SDK1: variants seen among roughly 807,000 people sequenced by gnomAD.
The protein encoded by SDK1 is protein sidekick-1.
In SDK1, 157 loss-of-function variants were observed where a neutral mutation model predicts 245.5. The ratio of observed to expected loss-of-function variants is 0.64; its 90% CI spans 0.56 to 0.73. SDK1 has a LOEUF of 0.73. Among genes scored for constraint, SDK1 ranks in the 30% least tolerant of loss-of-function variants. The pLI is 0.00. For synonymous variants in SDK1, 1,647 were observed against 1,278.5 expected, an observed-to-expected ratio of 1.29 and a Z score of -6.15; for missense variants, 3,583 against 3,002.3, an observed-to-expected ratio of 1.19 and a Z score of -4.52.
At chr7:3,873,692 C>A (rs1406185043) in intron 5 of SDK1, among the ~76,000 whole-genome samples, 4 of 152,120 alleles carry the variant, frequency 2.6e-5, no homozygotes, top group Admixed American at 6.5e-5. Flanking sequence ...GACCCATCTT[C>A]AAGTTCAGTA....
chr7:4,099,344 C>T (rs981873919), intron 22 of SDK1, among the ~76,000 whole-genome samples: 7 of 146,064 alleles, frequency 4.8e-5, no homozygotes, highest in African/African-American at 1.5e-4. Flanking sequence ...CCACACAGGG[C>T]CATGTGCAGA....
chr7:3,926,871 C>A (rs1779789894), intron 5 of SDK1, among the ~76,000 whole-genome samples: 1 of 152,220 alleles, frequency 6.6e-6, no homozygotes, highest in Non-Finnish European at 1.5e-5. Flanking sequence ...AAACAGGAAC[C>A]ACAGGCCTTT....
chr7:3,577,782 A>C (rs9654994), intron 1 of SDK1, among the ~76,000 whole-genome samples: 1 of 151,984 alleles, frequency 6.6e-6, no homozygotes, highest in Admixed American at 6.5e-5. Context: ...TTGTATGGTC[A>C]TATTGTCCCC....
chr7:4,001,481 C>G (rs552658750), intron 14 of SDK1, among the ~76,000 whole-genome samples: 2 of 152,252 alleles, frequency 1.3e-5, no homozygotes, highest in African/African-American at 2.4e-5. Flanking sequence ...CTGGAGGCCA[C>G]AGTGCCCTGG....
At chr7:3,806,390 A>T (rs980148400) in intron 4 of SDK1, among the ~76,000 whole-genome samples, 1 of 150,932 alleles carries the variant, frequency 6.6e-6, no homozygotes, top group African/African-American at 2.5e-5. Context: ...TAGGACGTGG[A>T]TGTCCTTGGG....
At chr7:3,627,558 G>A (rs545337159) in intron 2 of SDK1, among the ~76,000 whole-genome samples, 1 of 152,274 alleles carries the variant, frequency 6.6e-6, no homozygotes, top group South Asian at 2.1e-4. Flanking sequence ...AGTCCCAAGT[G>A]GCCAGCTTGA....
At chr7:4,059,394 T>G (rs1190961364) in intron 19 of SDK1, among the ~76,000 whole-genome samples, 1 of 152,178 alleles carries the variant, frequency 6.6e-6, no homozygotes, top group African/African-American at 2.4e-5. Context: ...CAAGAGGATA[T>G]AACAATTCTA....
chr7:3,941,107 C>T (rs979912811), intron 5 of SDK1, among the ~76,000 whole-genome samples: 1 of 152,086 alleles, frequency 6.6e-6, no homozygotes, highest in Non-Finnish European at 1.5e-5. Flanking sequence ...TGCCCAGCCA[C>T]CCACCAAGCA....
chr7:3,355,279 C>T (rs1277923731), intron 1 of SDK1, among the ~76,000 whole-genome samples: 1 of 152,146 alleles, frequency 6.6e-6, no homozygotes, highest in African/African-American at 2.4e-5. Context: ...TGTAGCTATC[C>T]ACTGAAGAAA....
At position 4,264,536 on chromosome 7, in the gene SDK1, G is replaced by A. The variant is rs1392110542; in HGVS notation, c.6382-588G>A. On this transcript the variant is annotated intron_variant, in intron 44 of 44. Coordinates refer to ENST00000404826, the MANE Select transcript of SDK1 (RefSeq NM_152744.4). ...ACCTCTCCTGAGTGAGGGAGGCCGC[G>A]TGGACCTCTCCTGAGTGAGGGAGGC... 3.0e-5 allele frequency among the ~76,000 whole-genome samples: 4 copies of A among 132,104 alleles called. No homozygotes were observed. In the Admixed American group the frequency reaches 3.1e-4, roughly 10 times the overall value. 86.7% of individuals were successfully genotyped at this position (132,104 alleles called of 152,430 possible).
At chr7:3,608,150 C>A (rs991277815) in intron 1 of SDK1, among the ~76,000 whole-genome samples, 3 of 152,212 alleles carry the variant, frequency 2.0e-5, no homozygotes, top group African/African-American at 7.2e-5. Flanking sequence ...AAACCAAAAT[C>A]TAGCTCTCTC....
At chr7:3,961,681 C>T (rs1362620757) in intron 8 of SDK1, among the ~76,000 whole-genome samples, 8 of 152,162 alleles carry the variant, frequency 5.3e-5, no homozygotes. Context: ...AGTAGAACTC[C>T]ATGAAGGCCC....
intron 1 of SDK1, among the ~76,000 whole-genome samples, chr7:3,555,336 A>C (rs545396676): frequency 6.6e-6 from 1 of 152,212 alleles, no homozygotes; most frequent in Non-Finnish European, 1.5e-5. Context: ...TGGGGAAAGG[A>C]CACTCTTTTC....
chr7:3,746,159 G>A (rs949853302), intron 4 of SDK1, among the ~76,000 whole-genome samples: 2 of 152,090 alleles, frequency 1.3e-5, no homozygotes, highest in African/African-American at 4.8e-5. Context: ...GAATTTTTTG[G>A]TTTCCAGTGC....
chr7:3,623,023 T>A (rs1781992329), intron 2 of SDK1, among the ~76,000 whole-genome samples: 1 of 152,146 alleles, frequency 6.6e-6, no homozygotes. Flanking sequence ...ATGAGACCTT[T>A]GTAAGTTTCA....
chr7:3,730,380 G>T (rs1779143208), intron 4 of SDK1, among the ~76,000 whole-genome samples: 2 of 152,188 alleles, frequency 1.3e-5, no homozygotes, highest in South Asian at 4.1e-4. Flanking sequence ...CTGGAGTGAA[G>T]CCAGTGAATA....
chr7:3,483,473 A>G (rs140848806), intron 1 of SDK1, among the ~76,000 whole-genome samples: 1 of 151,958 alleles, frequency 6.6e-6, no homozygotes, highest in East Asian at 1.9e-4. Context: ...ATTGCCTCTG[A>G]TTTTCTAGGT....
At chr7:3,698,920 A>C (rs1035533694) in intron 4 of SDK1, among the ~76,000 whole-genome samples, 8 of 152,228 alleles carry the variant, frequency 5.3e-5, no homozygotes, top group African/African-American at 1.9e-4. Context: ...TGGGGAGGAC[A>C]CAAAGGATCA....
Position 3,974,409 on chromosome 7 carries a change from A to C in SDK1, c.1858A>C (p.Ser620Arg). ...KKDNVALTPS[S>R]TSRIVVEKDG... ...GGACAACGTGGCCCTGACTCCATCG[A>C]GCACGTCTAGGATCGTGGTGGAGAA... Residue 620 changes from serine (S) to arginine (R), a missense_variant, in exon 13 of 45, where the codon AGC (serine) becomes CGC (arginine). Coordinates refer to ENST00000404826, the MANE Select transcript of SDK1 (RefSeq NM_152744.4). 6.2e-7 allele frequency: 1 copy of C among 1,614,066 alleles called. No individual in the cohort carries two copies. The highest frequency in any genetic ancestry group is 1.1e-5 in the South Asian group (1 of 91,068).
Sources: gnomAD v4.1 joint callset for allele counts (sites outside exome capture counted in the v4.1 genomes callset) on GRCh38, gnomAD v4.1.1 for gene constraint, MANE v1.5 for transcripts, NCBI Gene and HGNC (gene_info 2026-07-23, HGNC 2026-07-21) for gene names.